The following NAALADL2 variants were observed in gnomAD, a reference collection of about 807,000 sequenced individuals.
The protein encoded by NAALADL2 is inactive N-acetylated-alpha-linked acidic dipeptidase-like protein 2.
In NAALADL2, 76 loss-of-function variants were observed where a neutral mutation model predicts 87.2. That is an observed-to-expected ratio of 0.87 (90% CI 0.72 to 1.05). The LOEUF (loss-of-function observed/expected upper bound fraction) is 1.05. Ranked by LOEUF, NAALADL2 falls within the 50% of genes least tolerant of loss-of-function variation. The pLI, the probability that NAALADL2 is intolerant of heterozygous loss-of-function variation, is 0.00. For synonymous variants in NAALADL2, 354 were observed against 331.0 expected (o/e 1.07, Z -0.75); for missense variants, 1,089 against 945.8 (o/e 1.15, Z -1.99).
chr3:175,023,830 CTGTT>C (rs1394184606), intron 1 of NAALADL2, among the ~76,000 whole-genome samples: 1 of 151,964 alleles, frequency 6.6e-6, no homozygotes, highest in Non-Finnish European at 1.5e-5. Flanking sequence ...TTTGAGATGT[CTGTT>C]TGGGCTCCAT....
At chr3:175,447,101 G>A in intron 5 of NAALADL2, 128 bp from the exon 6 acceptor site, 1 of 587,592 alleles carries the variant, frequency 1.7e-6, no homozygotes, top group Non-Finnish European at 2.9e-6. Flanking sequence ...TAACTAAGGA[G>A]TAGATAAACA....
chr3:174,917,003 C>G (rs554242154), intron 1 of NAALADL2, among the ~76,000 whole-genome samples: 13 of 152,096 alleles, frequency 8.5e-5, no homozygotes, highest in Admixed American at 5.2e-4. Flanking sequence ...GTTCATCATC[C>G]TTGGTACACC....
At chr3:175,039,729 T>A (rs1175851410) in intron 1 of NAALADL2, among the ~76,000 whole-genome samples, 2 of 152,222 alleles carry the variant, frequency 1.3e-5, no homozygotes, top group Non-Finnish European at 2.9e-5. Context: ...TAGGAAATTC[T>A]ATCTGTGAAG....
At chr3:174,568,088 G>A (rs1022052227) in intron 2 of NAALADL2, among the ~76,000 whole-genome samples, 5 of 151,656 alleles carry the variant, frequency 3.3e-5, no homozygotes, top group African/African-American at 9.7e-5. Context: ...TATTCATGTC[G>A]TTTGTGAGCC....
At chr3:174,855,942 A>C (rs1023406005), upstream of NAALADL2, among the ~76,000 whole-genome samples, 37 of 147,102 alleles carry the variant, frequency 2.5e-4, no homozygotes, top group African/African-American at 2.5e-5. Flanking sequence ...ATATATATAC[A>C]CATAGATATG....
At chr3:175,228,508 C>T (rs1298811419) in intron 2 of NAALADL2, among the ~76,000 whole-genome samples, 1 of 150,060 alleles carries the variant, frequency 6.7e-6, no homozygotes, top group African/African-American at 2.4e-5. Flanking sequence ...AGAGAAATTC[C>T]CAAGGAAAAA....
chr3:175,331,461 A>G (rs1761389593), intron 5 of NAALADL2, among the ~76,000 whole-genome samples: 2 of 152,174 alleles, frequency 1.3e-5, no homozygotes, highest in Non-Finnish European at 2.9e-5. Flanking sequence ...ACATATGCAA[A>G]TCAATAAACA....
intron 1 of NAALADL2, among the ~76,000 whole-genome samples, chr3:175,066,037 A>G (rs1020194067): frequency 8.5e-5 from 13 of 152,132 alleles, no homozygotes; most frequent in African/African-American, 3.1e-4. Flanking sequence ...AGATTCAACC[A>G]GTTAGCCCCT....
intron 9 of NAALADL2, among the ~76,000 whole-genome samples, chr3:175,495,312 G>T (rs1728663144): frequency 6.6e-6 from 1 of 151,734 alleles, no homozygotes; most frequent in Non-Finnish European, 1.5e-5. Flanking sequence ...ATTTTTATTT[G>T]TTCAACTTAA....
intron 10 of NAALADL2, among the ~76,000 whole-genome samples, chr3:175,577,363 C>G (rs1373510071): frequency 6.6e-6 from 1 of 152,102 alleles, no homozygotes; most frequent in Non-Finnish European, 1.5e-5. Context: ...ATTGTAAGTA[C>G]AACATATTAA....
At chr3:174,691,600 G>A (rs62286810) in intron 2 of NAALADL2, among the ~76,000 whole-genome samples, 8,350 of 152,048 alleles carry the variant, frequency 0.055, 259 homozygotes, top group East Asian at 0.11. Context: ...CTTAAAATAA[G>A]ACAACAGTAA....
chr3:174,765,220 G>C (rs1713658287), intron 3 of NAALADL2, among the ~76,000 whole-genome samples: 1 of 151,738 alleles, frequency 6.6e-6, no homozygotes. Context: ...TTCAGTACTA[G>C]AACCCACTTA....
intron 2 of NAALADL2, among the ~76,000 whole-genome samples, chr3:175,131,797 C>A (rs375698973): frequency 2.3e-5 from 3 of 132,404 alleles, no homozygotes; most frequent in Non-Finnish European, 4.8e-5. Context: ...CCCTCCCGGA[C>A]GGGGGGCCTG....
chr3:174,881,427 C>G (rs1419889906), intron 1 of NAALADL2, among the ~76,000 whole-genome samples: 1 of 151,992 alleles, frequency 6.6e-6, no homozygotes, highest in Non-Finnish European at 1.5e-5. Flanking sequence ...GGCATCATAC[C>G]ATAATCAAAT....
intron 1 of NAALADL2, among the ~76,000 whole-genome samples, chr3:174,457,951 A>G (rs945552104): frequency 6.6e-6 from 1 of 152,196 alleles, no homozygotes; most frequent in Admixed American, 6.5e-5. Context: ...GAACACGTGG[A>G]CACATAGAGG....
At chr3:174,791,385 TCA>T (rs1717438532) in intron 3 of NAALADL2, among the ~76,000 whole-genome samples, 1 of 152,132 alleles carries the variant, frequency 6.6e-6, no homozygotes, top group Admixed American at 6.6e-5. Context: ...AAAAAAGGCC[TCA>T]GAGAGACCAT....
chr3:175,442,928 A>G (rs1234180217), intron 5 of NAALADL2, among the ~76,000 whole-genome samples: 1 of 152,178 alleles, frequency 6.6e-6, no homozygotes, highest in Non-Finnish European at 1.5e-5. Flanking sequence ...TTTAATTTTC[A>G]TCTCATATCT....
At chr3:175,783,068 TCTGTTTTGGTACCAGTACCATG>T (rs1315947630) in intron 13 of NAALADL2, among the ~76,000 whole-genome samples, 4 of 148,910 alleles carry the variant, frequency 2.7e-5, no homozygotes, top group Non-Finnish European at 6.0e-5. Context: ...GATCTATATC[TCTGTTTTGGTACCAGTACCATG>T]CTGTTTTGGT....
intron 2 of NAALADL2, among the ~76,000 whole-genome samples, chr3:175,098,461 G>C (rs1332322764): frequency 1.3e-5 from 2 of 152,108 alleles, no homozygotes; most frequent in Non-Finnish European, 2.9e-5. Context: ...TAGTCTAGAG[G>C]GAGAAAGTGA....
Sources: allele counts gnomAD v4.1 joint callset (sites outside exome capture counted in the v4.1 genomes callset), GRCh38; gene constraint gnomAD v4.1.1; transcripts MANE v1.5; gene names NCBI Gene and HGNC (gene_info 2026-07-23, HGNC 2026-07-21).